Variants in GRM7 observed in about 807,000 individuals in gnomAD.
The protein encoded by GRM7 is metabotropic glutamate receptor 7.
A neutral mutation model predicts 84.5 loss-of-function variants in GRM7; 35 were observed. That is an observed-to-expected ratio of 0.41 (90% CI 0.32 to 0.55). The LOEUF is 0.55. GRM7 is among the 20% of genes least tolerant of loss of function. The probability of loss-of-function intolerance (pLI) is 0.19; values close to 1 mark genes in which losing one functional copy is unlikely to be tolerated. For synonymous variants in GRM7, 487 were observed against 455.1 expected, an observed-to-expected ratio of 1.07 and a Z score of -0.89; for missense variants, 1,003 against 1,194.6, an observed-to-expected ratio of 0.84 and a Z score of 2.36.
chr3:7,434,638 C>A (rs529894961), intron 5 of GRM7, among the ~76,000 whole-genome samples: 2 of 152,078 alleles, frequency 1.3e-5, no homozygotes, highest in Non-Finnish European at 2.9e-5. Flanking sequence ...CTAGGATAAA[C>A]CATACCTGAT....
intron 1 of GRM7, chr3:6,892,968 T>C (rs559164277): frequency 6.6e-6 from 1 of 152,310 alleles, no homozygotes; most frequent in African/African-American, 2.4e-5. Flanking sequence ...GTGTCCTCTT[T>C]CTGTCATGAC....
intron 1 of GRM7, among the ~76,000 whole-genome samples, chr3:7,112,100 C>G (rs1399025855): frequency 1.3e-5 from 2 of 152,166 alleles, no homozygotes; most frequent in African/African-American, 4.8e-5. Context: ...CAAAGATCAC[C>G]TCTCAAAGAA....
chr3:7,419,761 T>C (rs866382770), intron 5 of GRM7, among the ~76,000 whole-genome samples: 18 of 152,192 alleles, frequency 1.2e-4, no homozygotes, highest in African/African-American at 4.1e-4. Flanking sequence ...ACTCAGCATT[T>C]ACAAATCCAT....
chr3:7,584,184 A>G (rs1411825913), intron 8 of GRM7, among the ~76,000 whole-genome samples: 3 of 152,226 alleles, frequency 2.0e-5, no homozygotes, highest in Admixed American at 6.5e-5. Context: ...TTGCACTTAC[A>G]CAACTTTGAC....
At chr3:7,201,010 C>T (rs1335473761) in intron 2 of GRM7, among the ~76,000 whole-genome samples, 1 of 138,782 alleles carries the variant, frequency 7.2e-6, no homozygotes, top group Non-Finnish European at 1.5e-5. Flanking sequence ...CACTCTGTCG[C>T]CCAGGCTGGA....
Position 7,167,603 on chromosome 3 carries a change from A to G in GRM7, c.736+20935A>G, listed in dbSNP as rs1011702935. Among the ~76,000 whole-genome samples the G allele has an allele frequency of 8.7e-4, 132 of 152,300 alleles. 1 individual carries two copies. The highest frequency in any genetic ancestry group is 3.2e-3 in the African/African-American group (131 of 41,570). On this transcript the variant is annotated intron_variant, in intron 2 of 9. Coordinates refer to ENST00000357716, the MANE Select transcript of GRM7 (RefSeq NM_000844.4). ...ATCCTTTAGCAATGGGTCCTTCGGA[A>G]TCTTCTTTCTAGGTTCCAGTCATTA...
intron 2 of GRM7, among the ~76,000 whole-genome samples, chr3:7,209,626 A>G (rs1213226601): frequency 2.6e-5 from 4 of 152,196 alleles, no homozygotes. Context: ...TGTACGAGAA[A>G]CACGTGTGGA....
Position 7,072,299 on chromosome 3 carries a change from A to T in GRM7, c.520-74153A>T, listed in dbSNP as rs576420949. On this transcript the variant is annotated intron_variant, in intron 1 of 9. Coordinates refer to ENST00000357716, the MANE Select transcript of GRM7 (RefSeq NM_000844.4). ...AGGTTCTGTGAAACTCTGAGACCTT[A>T]AATACTTTTGGTAAGTCATTGTCTG... Among the ~76,000 whole-genome samples, 1,485 of 152,284 alleles carry T rather than the reference A, an allele frequency of 9.8e-3. 11 individuals carry two copies. Among genetic ancestry groups the T allele is most frequent in the Non-Finnish European group, 0.017 (1,154 of 68,016 alleles).
chr3:7,503,974 G>A (rs1368868092), intron 7 of GRM7, among the ~76,000 whole-genome samples: 1 of 152,064 alleles, frequency 6.6e-6, no homozygotes, highest in East Asian at 1.9e-4. Flanking sequence ...ATCAACAGAT[G>A]CACTTTTATA....
intron 2 of GRM7, among the ~76,000 whole-genome samples, chr3:7,210,332 C>G (rs984824689): frequency 2.0e-5 from 3 of 152,212 alleles, no homozygotes; most frequent in Non-Finnish European, 4.4e-5. Flanking sequence ...AAGAAGCTTT[C>G]CTACCGCTAT....
At chr3:7,563,246 G>T (rs1464944251) in intron 7 of GRM7, among the ~76,000 whole-genome samples, 1 of 152,116 alleles carries the variant, frequency 6.6e-6, no homozygotes, top group Non-Finnish European at 1.5e-5. Flanking sequence ...TTTAAAGCTA[G>T]TCAGATACAG....
chr3:7,241,679 C>T (rs1006626816), intron 2 of GRM7, among the ~76,000 whole-genome samples: 1 of 152,026 alleles, frequency 6.6e-6, no homozygotes, highest in African/African-American at 2.4e-5. Context: ...CGTTGATTTC[C>T]AAAGCTGTTC....
chr3:7,161,222 C>T (rs9864350), intron 2 of GRM7, among the ~76,000 whole-genome samples: 9,954 of 151,882 alleles, frequency 0.066, 822 homozygotes, highest in African/African-American at 0.18. Flanking sequence ...AAGATAGATC[C>T]AGGAGTGACA....
rs927990768 is a variant in GRM7 at position 6,863,516 on chromosome 3, C to T, written c.519+1609C>T. 5.9e-5 allele frequency among the ~76,000 whole-genome samples: 9 copies of T among 152,212 alleles called. No individual in the cohort carries two copies. The highest frequency in any genetic ancestry group is 1.2e-4 in the Non-Finnish European group (8 of 68,038). ...CCTCTGATCCTCTGAGCATCTCTGA[C>T]ACTTCCTGAGTGCCATCATGGAAAT... On this transcript the variant is annotated intron_variant, in intron 1 of 9. Coordinates refer to ENST00000357716, the MANE Select transcript of GRM7 (RefSeq NM_000844.4). This position sits in a 1 kb window ranked among gnomAD's most constrained non-coding sequence, Gnocchi z 4.8.
intron 1 of GRM7, among the ~76,000 whole-genome samples, chr3:7,081,653 G>A (rs1054504817): frequency 6.6e-6 from 1 of 152,078 alleles, no homozygotes; most frequent in African/African-American, 2.4e-5. Context: ...CATGTCAAAA[G>A]CTGAGATAGG....
Position 7,454,092 on chromosome 3 carries a change from T to TCTCTCTCTCTCC in GRM7, c.1375+1296_1375+1297insCCTCTCTCTCTC, listed in dbSNP as rs1447415258. 3.9e-3 allele frequency among the ~76,000 whole-genome samples: 448 copies of TCTCTCTCTCTCC among 114,686 alleles called. 5 individuals are homozygous for TCTCTCTCTCTCC. In the East Asian group the frequency reaches 0.04, roughly 10 times the overall value. 75.2% of individuals were successfully genotyped at this position (114,686 alleles called of 152,430 possible). A position where few individuals can be genotyped will look rare whatever the true frequency, so the allele number is the denominator to read the frequency against. On this transcript the variant is annotated intron_variant, in intron 6 of 9. Coordinates refer to ENST00000357716, the MANE Select transcript of GRM7 (RefSeq NM_000844.4). Reference sequence around the variant, plus strand: ...CATACATGAAAAGCTACACACACACTCTCTCTCTCTCTCTCTCTCTCTCTC... The same window carrying TCTCTCTCTCTCC: ...CATACATGAAAAGCTACACACACACTCTCTCTCTCTCCCTCTCTCTCTCTCTCTCTCTCTCTC...
At chr3:7,435,919 G>A (rs1324511487) in intron 5 of GRM7, among the ~76,000 whole-genome samples, 1 of 142,760 alleles carries the variant, frequency 7.0e-6, no homozygotes, top group African/African-American at 2.6e-5. Flanking sequence ...AGCCAGGATG[G>A]TCTCCATCTC....
chr3:7,211,093 CT>C (rs1696409593), intron 2 of GRM7, among the ~76,000 whole-genome samples: 1 of 152,142 alleles, frequency 6.6e-6, no homozygotes, highest in Non-Finnish European at 1.5e-5. Flanking sequence ...GTGTTCAGAC[CT>C]CTTGACAGTA....
At chr3:7,222,148 C>T (rs992443747) in intron 2 of GRM7, among the ~76,000 whole-genome samples, 7 of 152,028 alleles carry the variant, frequency 4.6e-5, no homozygotes, top group Admixed American at 1.3e-4. Context: ...CAGCCCTCTT[C>T]CTTGAAAGTA....
Sources: allele counts gnomAD v4.1 joint callset (sites outside exome capture counted in the v4.1 genomes callset), GRCh38; gene constraint gnomAD v4.1.1; non-coding constraint Gnocchi (gnomAD v3.1); transcripts MANE v1.5; gene names NCBI Gene and HGNC (gene_info 2026-07-23, HGNC 2026-07-21).